The following ZDHHC14 variants were observed in gnomAD, a reference collection of about 807,000 sequenced individuals.
ZDHHC14 encodes zDHHC palmitoyltransferase 14, also known as palmitoyltransferase ZDHHC14.
A neutral mutation model predicts 47.7 loss-of-function variants in ZDHHC14; 16 were observed. The ratio of observed to expected loss-of-function variants is 0.34; its 90% CI spans 0.23 to 0.51. The LOEUF (loss-of-function observed/expected upper bound fraction) is 0.51, where lower values mean the gene tolerates loss of function less well. Ranked by LOEUF, ZDHHC14 falls within the 20% of genes least tolerant of loss-of-function variation. ZDHHC14 has a pLI of 0.97. For synonymous variants in ZDHHC14, 293 were observed against 278.9 expected, an observed-to-expected ratio of 1.05 and a Z score of -0.50; for missense variants, 515 against 662.5, an observed-to-expected ratio of 0.78 and a Z score of 2.44.
chr6:157,434,496 C>T (rs961014574), intron 1 of ZDHHC14, among the ~76,000 whole-genome samples: 4 of 152,006 alleles, frequency 2.6e-5, no homozygotes, highest in African/African-American at 9.7e-5. Flanking sequence ...CTGATGAGGC[C>T]ATTTCAGCTT....
intron 2 of ZDHHC14, among the ~76,000 whole-genome samples, chr6:157,556,911 G>A (rs146850388): frequency 0.025 from 3,858 of 152,268 alleles, 178 homozygotes; most frequent in African/African-American, 0.089. Context: ...GAAGAGTTGC[G>A]GGCACTGAGG....
At chr6:157,544,347 T>G in intron 2 of ZDHHC14, among the ~76,000 whole-genome samples, 1 of 152,196 alleles carries the variant, frequency 6.6e-6, no homozygotes, top group East Asian at 1.9e-4. Context: ...ACTTTCTGCC[T>G]TTCTTACAAA....
rs533445468 is a variant in ZDHHC14, at chr6:157,416,948, G to A, written c.245+34682G>A. Among the ~76,000 whole-genome samples the A allele has an allele frequency of 1.5e-4, 21 of 144,514 alleles. No individual in the cohort carries two copies. In the East Asian group the frequency reaches 4.2e-3, roughly 29 times the overall value. 94.8% of individuals were successfully genotyped at this position (144,514 alleles called of 152,430 possible). The stretch of plus-strand genomic sequence containing the variant: ...CAGCTCCCAAGTAGTTGGGATTACA[G>A]GTGCCCGCCACCATGCCTGGCTAGT... On this transcript the variant is annotated intron_variant, in intron 1 of 8. Transcript: ENST00000359775.
rs563878610 is a variant in ZDHHC14 at position 157,638,426 on chromosome 6, C to T, written c.752+5544C>T. Among the ~76,000 whole-genome samples, 25 of 151,702 alleles carry T rather than the reference C, an allele frequency of 1.6e-4. No homozygotes were observed. The East Asian group carries it at 4.9e-3, about 30-fold the overall frequency. On this transcript the variant is annotated intron_variant, in intron 5 of 8. Coordinates refer to ENST00000359775, the MANE Select transcript of ZDHHC14 (RefSeq NM_024630.3). ...CCTCTCAGGGCCTGTGGCCATGGAG[C>T]GGCTGCCCCGTACCATGGACAAGAG...
chr6:157,643,650 A>AAAATATAT (rs765773743), intron 5 of ZDHHC14, among the ~76,000 whole-genome samples: 13 of 72,532 alleles, frequency 1.8e-4, no homozygotes, highest in African/African-American at 5.8e-4. Flanking sequence ...CTTCATCTCA[A>AAAATATAT]ATATATATAT....
intron 8 of ZDHHC14, among the ~76,000 whole-genome samples, chr6:157,660,798 G>A (rs1044540520): frequency 2.6e-5 from 4 of 152,106 alleles, no homozygotes; most frequent in African/African-American, 4.8e-5. Flanking sequence ...CAAAAGTTTC[G>A]GTTAAATGGA....
intron 1 of ZDHHC14, among the ~76,000 whole-genome samples, chr6:157,460,740 T>C (rs1470886023): frequency 6.6e-6 from 1 of 152,174 alleles, no homozygotes; most frequent in East Asian, 1.9e-4. Flanking sequence ...GCAGAAATAA[T>C]GTGACTAACA....
intron 3 of ZDHHC14, among the ~76,000 whole-genome samples, chr6:157,627,368 A>C (rs1229236325): frequency 2.0e-5 from 3 of 152,206 alleles, no homozygotes; most frequent in Non-Finnish European, 4.4e-5. Context: ...AAGCTAAGTC[A>C]TATGCCCAGC....
At chr6:157,666,036 A>G (rs1296332823) in intron 8 of ZDHHC14, among the ~76,000 whole-genome samples, 1 of 152,230 alleles carries the variant, frequency 6.6e-6, no homozygotes, top group African/African-American at 2.4e-5. Flanking sequence ...ATGAGCTAAC[A>G]TTGAAGTTCT....
In ZDHHC14 at chr6:157,645,855, C is replaced by CA; in HGVS notation, c.855+17dup. ...AAATGAGGACGTAAGTTCCTGACCA[C>CA]ACGGGACACGGGCGTGTTCTTGGGT... On this transcript the variant is annotated intron_variant, in intron 6 of 8. Coordinates refer to ENST00000359775, the MANE Select transcript of ZDHHC14 (RefSeq NM_024630.3). 1 of 1,606,412 alleles carries CA rather than the reference C, an allele frequency of 6.2e-7. No individual in the cohort carries two copies. Among genetic ancestry groups the CA allele is most frequent in the Non-Finnish European group, 8.5e-7 (1 of 1,173,548 alleles).
At chr6:157,657,596 A>G (rs531067641) in intron 8 of ZDHHC14, among the ~76,000 whole-genome samples, 8 of 152,318 alleles carry the variant, frequency 5.3e-5, no homozygotes, top group African/African-American at 1.9e-4. Flanking sequence ...CATGCTAAAG[A>G]AGCCCTCCAT....
chr6:157,394,821 T>A (rs554212059), intron 1 of ZDHHC14, among the ~76,000 whole-genome samples: 6 of 152,230 alleles, frequency 3.9e-5, no homozygotes, highest in African/African-American at 1.2e-4. Flanking sequence ...TCAAATGAAG[T>A]GTTGGGACTG....
chr6:157,613,957 T>A (rs556236821), intron 3 of ZDHHC14, among the ~76,000 whole-genome samples: 1 of 152,210 alleles, frequency 6.6e-6, no homozygotes, highest in African/African-American at 2.4e-5. Context: ...ACAGTTTTAG[T>A]GTTTGCTGAC....
At chr6:157,429,311 G>C (rs895941015) in intron 1 of ZDHHC14, among the ~76,000 whole-genome samples, 1 of 152,168 alleles carries the variant, frequency 6.6e-6, no homozygotes, top group Non-Finnish European at 1.5e-5. Flanking sequence ...AATAGAGTAC[G>C]TCTCCTTTGA....
chr6:157,447,083 A>G (rs185283451), intron 1 of ZDHHC14, among the ~76,000 whole-genome samples: 2 of 152,222 alleles, frequency 1.3e-5, no homozygotes, highest in Admixed American at 6.5e-5. Flanking sequence ...GCACCACTGT[A>G]CTTCAGCCCG....
intron 7 of ZDHHC14, among the ~76,000 whole-genome samples, chr6:157,651,867 C>T (rs1254982180): frequency 2.6e-5 from 4 of 152,264 alleles, no homozygotes; most frequent in Middle Eastern, 6.8e-3. Context: ...CCACTGCGCC[C>T]GGTCCCTCAA....
At chr6:157,547,888 G>T (rs878869997) in intron 2 of ZDHHC14, among the ~76,000 whole-genome samples, 6 of 150,286 alleles carry the variant, frequency 4.0e-5, no homozygotes, top group Admixed American at 1.3e-4. Context: ...TTTTTGTTGG[G>T]TTTTTTTAAG....
chr6:157,553,103 A>G (rs1344372797), intron 2 of ZDHHC14, among the ~76,000 whole-genome samples: 1 of 152,178 alleles, frequency 6.6e-6, no homozygotes, highest in East Asian at 1.9e-4. Flanking sequence ...AGTTGGGAGC[A>G]GTGGATGGAA....
At chr6:157,484,103 A>G (rs572414437) in intron 1 of ZDHHC14, among the ~76,000 whole-genome samples, 173 of 151,738 alleles carry the variant, frequency 1.1e-3, no homozygotes, top group African/African-American at 4.0e-3. Context: ...GAGAACACAC[A>G]GACACAAAGA....
Sources: gnomAD v4.1 joint callset for allele counts (sites outside exome capture counted in the v4.1 genomes callset) on GRCh38, gnomAD v4.1.1 for gene constraint, MANE v1.5 for transcripts, NCBI Gene and HGNC (gene_info 2026-07-23, HGNC 2026-07-21) for gene names.